Variants in CCNY observed in about 807,000 individuals in gnomAD.
The protein encoded by CCNY is cyclin-Y.
Under a neutral mutation model 42.8 loss-of-function variants are expected in CCNY, and 19 were observed. That is an observed-to-expected ratio of 0.44 (90% CI 0.31 to 0.65). The LOEUF (loss-of-function observed/expected upper bound fraction) is 0.65, where lower values mean the gene tolerates loss of function less well. CCNY is among the 30% of genes least tolerant of loss of function. The pLI, the probability that CCNY is intolerant of heterozygous loss-of-function variation, is 0.07. For missense variants in CCNY, 370 were observed against 437.3 expected (o/e 0.85, Z 1.37); for synonymous variants, 165 against 162.7 (o/e 1.01, Z -0.11).
intron 1 of CCNY, among the ~76,000 whole-genome samples, chr10:35,473,716 C>A (rs1202973838): frequency 6.6e-6 from 1 of 152,178 alleles, no homozygotes; most frequent in Admixed American, 6.5e-5. Context: ...ATTTTAAGCT[C>A]AGTATTCCAT....
intron 1 of CCNY, among the ~76,000 whole-genome samples, chr10:35,450,463 GT>G (rs1266318798): frequency 6.6e-6 from 1 of 152,092 alleles, no homozygotes; most frequent in Non-Finnish European, 1.5e-5. Flanking sequence ...GCTCTTTGGA[GT>G]TTTCTGGGCT....
At chr10:35,457,808 C>T (rs1368933873) in intron 1 of CCNY, among the ~76,000 whole-genome samples, 1 of 152,172 alleles carries the variant, frequency 6.6e-6, no homozygotes, top group Non-Finnish European at 1.5e-5. Context: ...TGGTCTTGAT[C>T]TGACCTCGTG....
At chr10:35,507,105 G>T (rs1397220348) in intron 3 of CCNY, among the ~76,000 whole-genome samples, 4 of 152,138 alleles carry the variant, frequency 2.6e-5, no homozygotes, top group African/African-American at 9.7e-5. Flanking sequence ...CCATCACCTT[G>T]CTCAGGGACT....
chr10:35,455,656 TC>T (rs148657236), intron 1 of CCNY, among the ~76,000 whole-genome samples: 1 of 151,904 alleles, frequency 6.6e-6, no homozygotes, highest in East Asian at 1.9e-4. Flanking sequence ...TCCCTTCCTC[TC>T]CCCTTTTCTC....
intron 1 of CCNY, among the ~76,000 whole-genome samples, chr10:35,382,316 G>A (rs974325646): frequency 6.6e-6 from 1 of 152,198 alleles, no homozygotes; most frequent in African/African-American, 2.4e-5. Context: ...CTGCAGTGCT[G>A]ACAGACTGTG....
intron 1 of CCNY, among the ~76,000 whole-genome samples, chr10:35,462,770 G>A (rs1344974672): frequency 6.6e-6 from 1 of 152,186 alleles, no homozygotes; most frequent in African/African-American, 2.4e-5. Context: ...CCCACAGCCT[G>A]CACAAGTTGT....
chr10:35,408,527 T>C (rs1009759881), intron 1 of CCNY, among the ~76,000 whole-genome samples: 15 of 151,700 alleles, frequency 9.9e-5, no homozygotes, highest in Non-Finnish European at 2.1e-4. Context: ...ACAAAGAACC[T>C]TCTTAAGGGT....
intron 3 of CCNY, among the ~76,000 whole-genome samples, chr10:35,261,455 C>T (rs2095719568): frequency 6.6e-6 from 1 of 151,472 alleles, no homozygotes; most frequent in South Asian, 2.1e-4. Context: ...CCAGGCTGGT[C>T]TCAAACTCCT....
At chr10:35,300,341 G>A (rs1183863890) in intron 3 of CCNY, among the ~76,000 whole-genome samples, 2 of 151,732 alleles carry the variant, frequency 1.3e-5, no homozygotes, top group African/African-American at 4.8e-5. Flanking sequence ...TTCCCCTCCT[G>A]TATCACAATC....
chr10:35,442,298 G>A (rs1030675385), intron 1 of CCNY, among the ~76,000 whole-genome samples: 6 of 152,206 alleles, frequency 3.9e-5, no homozygotes, highest in African/African-American at 1.4e-4. Flanking sequence ...AACCTTGAAT[G>A]CTAAGCTTAG....
intron 1 of CCNY, among the ~76,000 whole-genome samples, chr10:35,409,008 C>G (rs1837845492): frequency 6.6e-6 from 1 of 151,514 alleles, no homozygotes; most frequent in Non-Finnish European, 1.5e-5. Flanking sequence ...TTGTCTTGAC[C>G]CAATGCAAAG....
At chr10:35,512,154 A>C (rs1037008388) in intron 3 of CCNY, among the ~76,000 whole-genome samples, 5 of 152,232 alleles carry the variant, frequency 3.3e-5, no homozygotes, top group African/African-American at 1.2e-4. Context: ...AGGAAAACAA[A>C]ATTCAAGAAT....
chr10:35,452,052 T>C (rs1200506898), intron 1 of CCNY, among the ~76,000 whole-genome samples: 9 of 152,224 alleles, frequency 5.9e-5, no homozygotes, highest in African/African-American at 1.9e-4. Context: ...CAGACTAATA[T>C]TTTGTTTACT....
intron 1 of CCNY, among the ~76,000 whole-genome samples, chr10:35,450,034 C>T (rs985701804): frequency 3.3e-5 from 5 of 152,078 alleles, no homozygotes; most frequent in African/African-American, 1.2e-4. Flanking sequence ...TGCCAGAAAG[C>T]GCTTTGGAGG....
At chr10:35,301,220 C>T (rs560948336) in intron 3 of CCNY, among the ~76,000 whole-genome samples, 6 of 152,256 alleles carry the variant, frequency 3.9e-5, no homozygotes, top group South Asian at 2.1e-4. Flanking sequence ...TATTAGCTTT[C>T]GGAGCTATTT....
At chr10:35,413,638 G>A (rs1190472511) in intron 1 of CCNY, among the ~76,000 whole-genome samples, 3 of 152,194 alleles carry the variant, frequency 2.0e-5, no homozygotes, top group African/African-American at 4.8e-5. Context: ...AAGATTTAGA[G>A]GGGATATTCT....
chr10:35,463,288 G>A (rs754222294), intron 1 of CCNY, among the ~76,000 whole-genome samples: 12 of 152,104 alleles, frequency 7.9e-5, no homozygotes, highest in Admixed American at 6.5e-5. Context: ...AAACATGTCT[G>A]GCACATGGTA....
At chr10:35,292,315 T>A (rs1835422206) in intron 3 of CCNY, among the ~76,000 whole-genome samples, 1 of 152,194 alleles carries the variant, frequency 6.6e-6, no homozygotes, top group Non-Finnish European at 1.5e-5. Flanking sequence ...GTTTTTTAAT[T>A]TTCTTGATGG....
chr10:35,505,561 A>G (rs1840199298), intron 3 of CCNY, among the ~76,000 whole-genome samples: 1 of 152,208 alleles, frequency 6.6e-6, no homozygotes, highest in Admixed American at 6.5e-5. Context: ...CTTTGTTCAA[A>G]CCCTCGTTCT....
Sources: allele counts gnomAD v4.1 joint callset (sites outside exome capture counted in the v4.1 genomes callset), GRCh38; gene constraint gnomAD v4.1.1; transcripts MANE v1.5; gene names NCBI Gene and HGNC (gene_info 2026-07-23, HGNC 2026-07-21).